CCDC171: variants seen among roughly 807,000 people sequenced by gnomAD.
The protein encoded by CCDC171 is coiled-coil domain containing 171, also known as coiled-coil domain-containing protein 171.
CCDC171 carries 177 observed loss-of-function variants against 168.2 expected under a neutral mutation model. The ratio of observed to expected loss-of-function variants is 1.05; its 90% CI spans 0.93 to 1.19. The LOEUF is 1.19. Ranked by LOEUF, CCDC171 falls within the 50% of genes most tolerant of loss-of-function variation. The pLI is 0.00. For missense variants in CCDC171, 1,991 were observed against 1,539.0 expected, an observed-to-expected ratio of 1.29 and a Z score of -4.91; for synonymous variants, 687 against 540.8, an observed-to-expected ratio of 1.27 and a Z score of -3.75.
intron 7 of CCDC171, among the ~76,000 whole-genome samples, chr9:15,655,908 A>T (rs2047889389): frequency 6.6e-6 from 1 of 152,196 alleles, no homozygotes; most frequent in African/African-American, 2.4e-5. Flanking sequence ...AGAAACCAAA[A>T]ACAGAAAATG....
chr9:15,701,776 T>G (rs2051767373), intron 11 of CCDC171, among the ~76,000 whole-genome samples: 1 of 152,182 alleles, frequency 6.6e-6, no homozygotes. Context: ...TGTCATTTTA[T>G]AAGGAACTCC....
At chr9:15,733,815 C>T (rs576195426) in intron 16 of CCDC171, among the ~76,000 whole-genome samples, 218 of 152,288 alleles carry the variant, frequency 1.4e-3, no homozygotes, top group Non-Finnish European at 2.1e-3. Context: ...GTTGCCCTGG[C>T]TTGAGTATGG....
chr9:15,963,306 G>T lies in CCDC171; in HGVS notation c.3754-8303G>T, dbSNP rs973012355. 3.3e-5 allele frequency among the ~76,000 whole-genome samples: 5 copies of T among 151,868 alleles called. No individual in the cohort carries two copies. The Middle Eastern group carries it at 0.01, about 310-fold the overall frequency. On this transcript the variant is annotated intron_variant, in intron 25 of 25. Transcript: ENST00000380701. ...TGTAACAAACCTGCACGTTGTGCAT[G>T]TGTACCCTAAAACTTAAAGTGTGTG... is the stretch of plus-strand genomic sequence containing the variant.
At chr9:15,686,738 A>G (rs1334532671) in intron 10 of CCDC171, among the ~76,000 whole-genome samples, 3 of 152,166 alleles carry the variant, frequency 2.0e-5, no homozygotes, top group Non-Finnish European at 4.4e-5. Flanking sequence ...GTGTACACCT[A>G]ACAACAGACC....
intron 7 of CCDC171, among the ~76,000 whole-genome samples, chr9:15,642,927 C>A (rs2046755828): frequency 6.6e-6 from 1 of 152,010 alleles, no homozygotes; most frequent in Admixed American, 6.6e-5. Context: ...ATTATAGAAT[C>A]ACTGAATATT....
In CCDC171 at chr9:15,744,498, G is replaced by A. The variant is rs373095698; in HGVS notation, c.2275G>A (p.Val759Ile). 4.5e-5 allele frequency: 72 copies of A among 1,614,082 alleles called. No homozygotes were observed. Among genetic ancestry groups the A allele is most frequent in the Non-Finnish European group, 5.3e-5 (62 of 1,180,044 alleles). The part of the protein sequence containing the change: ...STQRDFLQEQ[V>I]NTFELFKLEI... Reference sequence around the variant, plus strand: ...ACAGAGAGATTTTCTCCAGGAGCAGGTCAACACCTTTGAGTTGTTCAAACT... The same window carrying A: ...ACAGAGAGATTTTCTCCAGGAGCAGATCAACACCTTTGAGTTGTTCAAACT... Residue 759 changes from valine (V) to isoleucine (I), a missense_variant, in exon 17 of 26, where the codon GTC becomes ATC. Transcript: ENST00000380701.
chr9:16,099,050 G>C, the CCDC171 span, among the ~76,000 whole-genome samples: 1 of 152,194 alleles, frequency 6.6e-6, no homozygotes, highest in Non-Finnish European at 1.5e-5. Flanking sequence ...TCTTAAAACT[G>C]AAAAACTGGT....
intron 3 of CCDC171, among the ~76,000 whole-genome samples, chr9:15,573,694 C>T (rs1331859780): frequency 1.3e-5 from 2 of 152,160 alleles, no homozygotes; most frequent in Admixed American, 6.5e-5. Context: ...AACTCTAAAA[C>T]TTGTTTTTTT....
At chr9:15,866,407 CAGAA>C (rs2061787357) in intron 23 of CCDC171, among the ~76,000 whole-genome samples, 1 of 151,770 alleles carries the variant, frequency 6.6e-6, no homozygotes, top group African/African-American at 2.4e-5. Context: ...TAGGTGGTGT[CAGAA>C]GGAAGGATGT....
chr9:15,886,593 A>G (rs1272769477), intron 24 of CCDC171: 1 of 152,172 alleles, frequency 6.6e-6, no homozygotes, highest in Non-Finnish European at 1.5e-5. Context: ...CTACCATATG[A>G]TCCAGCAATC....
intron 8 of CCDC171, among the ~76,000 whole-genome samples, chr9:15,661,013 G>A (rs367724864): frequency 6.6e-6 from 1 of 152,154 alleles, no homozygotes; most frequent in Non-Finnish European, 1.5e-5. Context: ...GGGCGCGGGG[G>A]CTCACGCCTG....
intron 21 of CCDC171, among the ~76,000 whole-genome samples, chr9:15,812,313 A>C (rs1254635880): frequency 1.3e-5 from 2 of 152,186 alleles, no homozygotes; most frequent in African/African-American, 4.8e-5. Flanking sequence ...ACTCATATAC[A>C]TACACATAGG....
At chr9:15,983,121 T>C (rs188097756) in intron 3 of CCDC171, among the ~76,000 whole-genome samples, 1 of 152,260 alleles carries the variant, frequency 6.6e-6, no homozygotes, top group East Asian at 1.9e-4. Flanking sequence ...ATGATCCTGG[T>C]TATCCTCCTA....
Position 15,903,030 on chromosome 9 carries a change from C to T in CCDC171, c.3601-17240C>T, listed in dbSNP as rs112148306. Among the ~76,000 whole-genome samples the T allele has an allele frequency of 1.6e-4, 24 of 152,298 alleles. 1 individual carries two copies. The highest frequency in any genetic ancestry group is 5.1e-4 in the African/African-American group (21 of 41,582). On this transcript the variant is annotated intron_variant, in intron 24 of 25. Coordinates refer to ENST00000380701, the MANE Select transcript of CCDC171 (RefSeq NM_173550.4). ...GGCTAGAGTAGGTAAACAAAGCAGC[C>T]GGGAAGCTCGAACTGGGTGGAGCCC...
chr9:15,883,155 A>G (rs1300394750), intron 24 of CCDC171: 3 of 385,338 alleles, frequency 7.8e-6, no homozygotes, highest in Non-Finnish European at 1.6e-5. Flanking sequence ...CAGCCTGCTG[A>G]GTACCTAGGA....
At chr9:15,780,950 C>T (rs1198879095) in intron 20 of CCDC171, among the ~76,000 whole-genome samples, 2 of 152,046 alleles carry the variant, frequency 1.3e-5, no homozygotes, top group Non-Finnish European at 2.9e-5. Context: ...GTCTCTCCTT[C>T]CGTTTGATTT....
At chr9:15,802,056 A>G (rs1022599687) in intron 21 of CCDC171, among the ~76,000 whole-genome samples, 7 of 151,854 alleles carry the variant, frequency 4.6e-5, no homozygotes, top group Non-Finnish European at 8.8e-5. Context: ...CAATATTCAT[A>G]ATAAATATTG....
At chr9:15,569,464 C>A (rs969910036) in intron 2 of CCDC171, among the ~76,000 whole-genome samples, 2 of 152,194 alleles carry the variant, frequency 1.3e-5, no homozygotes, top group African/African-American at 4.8e-5. Context: ...TATTGTTTTT[C>A]ATTCTGCACC....
intron 9 of CCDC171, among the ~76,000 whole-genome samples, chr9:15,677,750 T>C (rs1222854129): frequency 2.7e-5 from 4 of 148,824 alleles, no homozygotes; most frequent in African/African-American, 9.9e-5. Flanking sequence ...ATGTGGTGTG[T>C]ATTTATATAC....
Sources: gnomAD v4.1 joint callset for allele counts (sites outside exome capture counted in the v4.1 genomes callset) on GRCh38, gnomAD v4.1.1 for gene constraint, MANE v1.5 for transcripts, NCBI Gene and HGNC (gene_info 2026-07-23, HGNC 2026-07-21) for gene names.